Variants in ZNF200 observed in about 807,000 individuals in gnomAD.
The protein encoded by ZNF200 is zinc finger protein 200.
In ZNF200, 35 loss-of-function variants were observed where a neutral mutation model predicts 33.6. The observed-to-expected ratio is 1.04, with a 90% CI of 0.80 to 1.38. The LOEUF is 1.38. Ranked by LOEUF, ZNF200 falls within the 40% of genes most tolerant of loss-of-function variation. The pLI is 0.00. For synonymous variants in ZNF200, 209 were observed against 167.7 expected (o/e 1.25, Z -1.90); for missense variants, 592 against 470.6 (o/e 1.26, Z -2.39).
At chr16:3,229,034 T>C (rs1958558970) in intron 4 of ZNF200, among the ~76,000 whole-genome samples, 1 of 152,220 alleles carries the variant, frequency 6.6e-6, no homozygotes, top group African/African-American at 2.4e-5. Context: ...TTTTTGTCAT[T>C]CCCTAAACAA....
chr16:3,226,462 T>G (rs1380232792), intron 4 of ZNF200: 1 of 152,230 alleles, frequency 6.6e-6, no homozygotes, highest in Non-Finnish European at 1.5e-5. Context: ...ACTAATTTCA[T>G]GTGAATATTA....
At chr16:3,233,439 C>T (rs1958698891) in intron 2 of ZNF200, 67 bp downstream of exon 2, 4 of 1,482,080 alleles carry the variant, frequency 2.7e-6, no homozygotes, top group Non-Finnish European at 3.6e-6. Flanking sequence ...ATAACTAACA[C>T]AGAAACCTAT....
chr16:3,230,896 G>A (rs537391700), intron 4 of ZNF200, among the ~76,000 whole-genome samples: 22 of 152,212 alleles, frequency 1.4e-4, no homozygotes, highest in African/African-American at 5.1e-4. Flanking sequence ...TCAGTCTTGC[G>A]ATAGCTCATT....
In ZNF200 at chr16:3,233,703, A is replaced by G. The variant is rs755616351; in HGVS notation, c.53T>C (p.Ile18Thr). 3 of 1,613,760 alleles carry G rather than the reference A, an allele frequency of 1.9e-6. No individual in the cohort carries two copies. In the South Asian group the frequency reaches 3.3e-5, roughly 18 times the overall value. ...CTTGGAGTCTGGCGGAACTCTCAGT[A>G]TAAAGGACTGCTTTGGCTTTGGGGG... is the stretch of plus-strand genomic sequence containing the variant. ...PMPPKPKQSF[I>T]LRVPPDSKLG... The change falls in exon 2 of 5, where the codon ATA becomes ACA. Residue 18 changes from isoleucine (I) to threonine (T), a missense_variant. By Grantham distance (89) the Ile-to-Thr change is moderately conservative. Coordinates refer to ENST00000414144, the MANE Select transcript of ZNF200 (RefSeq NM_198088.3).
rs1958700477 is a variant in ZNF200, at chr16:3,233,486, A to G, written c.250+20T>C. 8 of 1,504,714 alleles carry G rather than the reference A, an allele frequency of 5.3e-6. No homozygotes were observed. The South Asian group carries it at 6.8e-5, about 13-fold the overall frequency. The allele number at this position is 1,504,714 out of a possible 1,614,324, so 93.2% of individuals were successfully genotyped here. On this transcript the variant is annotated intron_variant, in intron 2 of 4. Coordinates refer to ENST00000414144, the MANE Select transcript of ZNF200 (RefSeq NM_198088.3). ...GTACCTCCTCCTCCTCTTCTAGTGAAACAAGCATGTGCTTCTCACCTCTGT... is the reference window on the plus strand; with the variant it reads ...GTACCTCCTCCTCCTCTTCTAGTGAGACAAGCATGTGCTTCTCACCTCTGT...
chr16:3,224,207 A>G lies in ZNF200; in HGVS notation c.873T>C (p.His291=). The G allele has an allele frequency of 6.2e-7, 1 of 1,614,164 alleles. No homozygotes were observed. Among genetic ancestry groups the G allele is most frequent in the Non-Finnish European group, 8.5e-7 (1 of 1,180,032 alleles). The change falls in exon 5 of 5, where the codon CAT becomes CAC. Residue 291 remains histidine (H), a synonymous_variant. Transcript: ENST00000414144. ...DCNHCGKSFN[H]KTNLNKHERI... ...GCTCATGTTTATTGAGGTTTGTTTT[A>G]TGATTGAAGCTTTTCCCACAGTGAT...
In ZNF200 at chr16:3,222,514, G is replaced by A. The variant is rs1283729184; in HGVS notation, c.*1378C>T. 6.6e-6 allele frequency: 1 copy of A among 152,078 alleles called. No individual in the cohort carries two copies. Among genetic ancestry groups the A allele is most frequent in the Non-Finnish European group, 1.5e-5 (1 of 68,004 alleles). The allele number at this position is 152,078 out of a possible 1,614,324, so 9.4% of individuals were successfully genotyped here. On this transcript the variant is annotated 3_prime_UTR_variant, in exon 5 of 5. Coordinates refer to ENST00000414144, the MANE Select transcript of ZNF200 (RefSeq NM_198088.3). ...TGGAAAAAACTACAATAACAAAATT[G>A]TGTAAAACAAGTGAAGAAAATTAGA...
chr16:3,223,799 T>C lies in ZNF200; in HGVS notation c.*93A>G. The C allele has an allele frequency of 6.7e-7, 1 of 1,493,506 alleles. No homozygotes were observed. The highest frequency in any genetic ancestry group is 8.9e-7 in the Non-Finnish European group (1 of 1,125,332). The allele number at this position is 1,493,506 out of a possible 1,614,324, so 92.5% of individuals were successfully genotyped here. ...TGGCAATAATGAGATTTTTACACAT[T>C]TATACCTTTTTAGGCAGCTTGGGAA... On this transcript the variant is annotated 3_prime_UTR_variant, in exon 5 of 5. Transcript: ENST00000414144.
rs1958472384 is a variant in ZNF200, at chr16:3,226,382, G to C, written c.467-1769C>G. On this transcript the variant is annotated intron_variant, in intron 4 of 4. Coordinates refer to ENST00000414144, the MANE Select transcript of ZNF200 (RefSeq NM_198088.3). Reference sequence around the variant, plus strand: ...ATTATTCTTTTTAATCACTCCCTTAGGATAATGAAATGTCAATTTTTACCA... The same window carrying C: ...ATTATTCTTTTTAATCACTCCCTTACGATAATGAAATGTCAATTTTTACCA... The C allele has an allele frequency of 2.6e-5, 4 of 152,058 alleles. No homozygotes were observed. In the South Asian group the frequency reaches 8.3e-4, roughly 32 times the overall value. 9.4% of individuals were successfully genotyped at this position (152,058 alleles called of 1,614,324 possible).
chr16:3,224,271 TG>T lies in ZNF200; in HGVS notation c.808del (p.His270ThrfsTer62). 6.2e-7 allele frequency: 1 copy of T among 1,614,130 alleles called. No homozygotes were observed. The highest frequency in any genetic ancestry group is 8.5e-7 in the Non-Finnish European group (1 of 1,180,010). Reference protein sequence around the residue: ...QFNESSYLISHQRTHTGEKPY... With the variant: ...QFNESSYLISXQRTHTGEKPY... Reference sequence around the variant, plus strand: ...TTTTTCTCCAGTGTGGGTCCTCTGGTGGGAAATGAGGTAAGAACTTTCATTA... The same window carrying T: ...TTTTTCTCCAGTGTGGGTCCTCTGGTGGAAATGAGGTAAGAACTTTCATTA... On this transcript the variant is annotated frameshift_variant, in exon 5 of 5. Transcript: ENST00000414144. LOFTEE classifies it high-confidence loss of function.
chr16:3,225,911 C>CTT (rs537985812), intron 4 of ZNF200: 44 of 139,774 alleles, frequency 3.1e-4, no homozygotes, highest in Non-Finnish European at 4.9e-4. Flanking sequence ...TTTTATTTCA[C>CTT]TTTTTTTTTT....
At position 3,224,228 on chromosome 16, in the gene ZNF200, G is replaced by C; in HGVS notation, c.852C>G (p.His284Gln). 1.9e-6 allele frequency: 3 copies of C among 1,614,160 alleles called. No individual in the cohort carries two copies. Among genetic ancestry groups the C allele is most frequent in the Non-Finnish European group, 2.5e-6 (3 of 1,180,042 alleles). Residue 284 changes from histidine to glutamine, a missense_variant, in exon 5 of 5, where the codon CAC (histidine) becomes CAG (glutamine). Transcript: ENST00000414144. ...TTTTATGATTGAAGCTTTTCCCACAGTGATTACAGTCATAGGGTTTTTCTC... is the reference window on the plus strand; with the variant it reads ...TTTTATGATTGAAGCTTTTCCCACACTGATTACAGTCATAGGGTTTTTCTC... ...HTGEKPYDCNHCGKSFNHKTN... is the reference protein window; with the variant it reads ...HTGEKPYDCNQCGKSFNHKTN...
At chr16:3,231,499 G>T (rs17682835) in intron 4 of ZNF200, among the ~76,000 whole-genome samples, 5,028 of 152,208 alleles carry the variant, frequency 0.033, 116 homozygotes, top group Non-Finnish European at 0.052. Flanking sequence ...AAAAGTGTCC[G>T]GCACTCAGTA....
chr16:3,232,802 T>G (rs1046827844), intron 3 of ZNF200, 31 bp downstream of exon 3: 4 of 1,606,238 alleles, frequency 2.5e-6, no homozygotes, highest in East Asian at 2.2e-5. Flanking sequence ...AGGTGATGGA[T>G]TCAGGCAGTA....
intron 1 of ZNF200, 138 bp from the exon 2 acceptor site, chr16:3,233,974 A>G: frequency 1.8e-6 from 1 of 566,616 alleles, no homozygotes; most frequent in Non-Finnish European, 2.9e-6. Flanking sequence ...ACTGAAACGC[A>G]GTATTTGAAC....
intron 4 of ZNF200, chr16:3,225,077 CATA>C (rs1203516339): frequency 3.9e-5 from 6 of 154,266 alleles, no homozygotes; most frequent in African/African-American, 1.4e-4. Flanking sequence ...TAAATAATAT[CATA>C]ATGTCTTACA....
intron 4 of ZNF200, 55 bp downstream of exon 4, chr16:3,232,366 G>A: frequency 6.3e-7 from 1 of 1,588,264 alleles, no homozygotes; most frequent in Admixed American, 1.7e-5. Flanking sequence ...AGAGATGAAG[G>A]ACATGCTTTT....
intron 3 of ZNF200, 58 bp from the exon 4 acceptor site, chr16:3,232,605 T>A (rs2075852): frequency 6.3e-7 from 1 of 1,597,558 alleles, no homozygotes; most frequent in Non-Finnish European, 8.5e-7. Context: ...ACAGCCCTAC[T>A]GGTAAGAAAA....
At chr16:3,224,878 G>C in intron 4 of ZNF200, 1 of 439,730 alleles carries the variant, frequency 2.3e-6, no homozygotes, top group African/African-American at 2.0e-5. Flanking sequence ...TCTCTTCATA[G>C]GTGTTAATTA....
Sources: allele counts gnomAD v4.1 joint callset (sites outside exome capture counted in the v4.1 genomes callset), GRCh38; gene constraint gnomAD v4.1.1; transcripts MANE v1.5; gene names NCBI Gene and HGNC (gene_info 2026-07-23, HGNC 2026-07-21).